NKX1-1: variants seen among roughly 807,000 people sequenced by gnomAD.
NKX1-1 encodes the protein NK1 transcription factor-related protein 1.
NKX1-1 carries 7 observed loss-of-function variants against 1.7 expected under a neutral mutation model. The observed-to-expected ratio is 4.22, with a 90% CI of 2.40 to 7.92. The LOEUF is 7.92. Ranked by LOEUF, NKX1-1 falls within the 30% of genes most tolerant of loss-of-function variation. NKX1-1 has a pLI of 0.00. For synonymous variants in NKX1-1, 242 were observed against 85.3 expected, an observed-to-expected ratio of 2.84 and a Z score of -10.13; for missense variants, 453 against 171.5, an observed-to-expected ratio of 2.64 and a Z score of -9.17.
chr4:1,405,417 C>T lies in NKX1-1; in HGVS notation c.463+563G>A, dbSNP rs73797207. Among the ~76,000 whole-genome samples, 381 of 152,356 alleles carry T rather than the reference C, an allele frequency of 2.5e-3. 4 individuals are homozygous for T. Among genetic ancestry groups the T allele is most frequent in the African/African-American group, 8.7e-3 (363 of 41,586 alleles). On this transcript the variant is annotated intron_variant, in intron 1 of 1. Coordinates refer to ENST00000422806, the MANE Select transcript of NKX1-1 (RefSeq NM_001290079.1). ...GTGCTTGAAAGAGATATGCACGCGCCGTAATGGGATATCGACCCGACCGGG... is the reference window on the plus strand; with the variant it reads ...GTGCTTGAAAGAGATATGCACGCGCTGTAATGGGATATCGACCCGACCGGG...
intron 1 of NKX1-1, among the ~76,000 whole-genome samples, chr4:1,404,329 C>T (rs1055500619): frequency 6.6e-6 from 1 of 152,264 alleles, no homozygotes; most frequent in African/African-American, 2.4e-5. Context: ...ATAACAGGCC[C>T]GGCGGTGGGG....
chr4:1,404,308 C>T (rs1487802885), intron 1 of NKX1-1, among the ~76,000 whole-genome samples: 1 of 152,260 alleles, frequency 6.6e-6, no homozygotes, highest in Non-Finnish European at 1.5e-5. Context: ...CAGCCAATTG[C>T]CGGGCATTTA....
chr4:1,406,350 G>A lies in NKX1-1; in HGVS notation c.93C>T (p.Ala31=), dbSNP rs1235177960. 6 of 372,314 alleles carry A rather than the reference G, an allele frequency of 1.6e-5. No individual in the cohort carries two copies. The highest frequency in any genetic ancestry group is 1.9e-5 in the Non-Finnish European group (4 of 210,528). 23.1% of individuals were successfully genotyped at this position (372,314 alleles called of 1,614,324 possible). The change falls in exon 1 of 2, where the codon GCC becomes GCT. Residue 31 remains alanine (A), a synonymous_variant. Coordinates refer to ENST00000422806, the MANE Select transcript of NKX1-1 (RefSeq NM_001290079.1). ...CGTCCATAGCTTCCTGGGCAGCGGC[G>A]GCGGGAGCGGGCGGTGCGGGCCCCG... ...PGSGPAPPAP[A]AAAQEAMDGR...
Position 1,403,026 on chromosome 4 carries a change from T to C in NKX1-1, c.1253A>G (p.Gln418Arg). Residue 418 changes from glutamine to arginine, a missense_variant, in exon 2 of 2, where the codon CAG (glutamine) becomes CGG (arginine). By Grantham distance (43) the Gln-to-Arg change is conservative (BLOSUM62 1). Coordinates refer to ENST00000422806, the MANE Select transcript of NKX1-1 (RefSeq NM_001290079.1). ...HGPGGLVCAA[Q>R]LPFLSSPAVL... is the part of the protein sequence containing the mutation. ...CGCCGGGCTCGACAGGAACGGCAGC[T>C]GCGCGGCGCACACCAGGCCTCCGGG... The C allele has an allele frequency of 1.6e-6, 1 of 620,126 alleles. No individual in the cohort carries two copies. Among genetic ancestry groups the C allele is most frequent in the Non-Finnish European group, 2.9e-6 (1 of 349,226 alleles). The allele number at this position is 620,126 out of a possible 1,614,324, so 38.4% of individuals were successfully genotyped here. A position where few individuals can be genotyped will look rare whatever the true frequency, so the allele number is the denominator to read the frequency against.
intron 1 of NKX1-1, among the ~76,000 whole-genome samples, chr4:1,405,023 C>T (rs1164810813): frequency 1.3e-5 from 2 of 152,262 alleles, no homozygotes; most frequent in African/African-American, 2.4e-5. Flanking sequence ...CCTTCCGCCC[C>T]ATAGACTCCC....
In NKX1-1 at chr4:1,403,018, A is replaced by G. The variant is rs1720678936; in HGVS notation, c.1261T>C (p.Phe421Leu). ...GAGAGCACCGCCGGGCTCGACAGGA[A>G]CGGCAGCTGCGCGGCGCACACCAGG... ...GGLVCAAQLP[F>L]LSSPAVLSPF... Residue 421 changes from phenylalanine (F) to leucine (L), a missense_variant, in exon 2 of 2, where the codon TTC becomes CTC. Coordinates refer to ENST00000422806, the MANE Select transcript of NKX1-1 (RefSeq NM_001290079.1). 2 of 628,126 alleles carry G rather than the reference A, an allele frequency of 3.2e-6. No homozygotes were observed. Among genetic ancestry groups the G allele is most frequent in the African/African-American group, 3.9e-5 (2 of 51,630 alleles). The allele number at this position is 628,126 out of a possible 1,614,324, so 38.9% of individuals were successfully genotyped here.
chr4:1,405,338 GTAAT>G (rs1480897945), intron 1 of NKX1-1, among the ~76,000 whole-genome samples: 3 of 152,246 alleles, frequency 2.0e-5, no homozygotes, highest in Non-Finnish European at 4.4e-5. Flanking sequence ...TTTTAATCGA[GTAAT>G]TATCCGAATT....
At chr4:1,405,087 C>T (rs2109345024) in intron 1 of NKX1-1, among the ~76,000 whole-genome samples, 2 of 152,364 alleles carry the variant, frequency 1.3e-5, no homozygotes, top group East Asian at 3.9e-4. Context: ...GTCCCCTCCA[C>T]TCAGCCGGAT....
chr4:1,403,866 TC>T, intron 1 of NKX1-1, 51 bp from the exon 2 acceptor site: 1 of 561,304 alleles, frequency 1.8e-6, no homozygotes. Context: ...ACCGGCCGGT[TC>T]CCAGATCCCG....
Position 1,403,251 on chromosome 4 carries a change from C to T in NKX1-1, c.1028G>A (p.Trp343Ter). The change falls in exon 2 of 2, where the codon TGG (tryptophan) becomes TAG (stop). Residue 343 changes from tryptophan to a stop codon, truncating the protein, a stop_gained. Coordinates refer to ENST00000422806, the MANE Select transcript of NKX1-1 (RefSeq NM_001290079.1). LOFTEE classifies it low-confidence loss of function (END_TRUNC). ...LSLTETQVKI[W>*]FQNRRTKWKK... ...CCACTTGGTTCGGCGGTTCTGGAAC[C>T]AGATCTTCACCTGCGTCTCGGTGAG... 1.4e-6 allele frequency: 1 copy of T among 737,518 alleles called. No homozygotes were observed. Among genetic ancestry groups the T allele is most frequent in the Non-Finnish European group, 2.5e-6 (1 of 398,372 alleles). 45.7% of individuals were successfully genotyped at this position (737,518 alleles called of 1,614,324 possible). A position where few individuals can be genotyped will look rare whatever the true frequency, so the allele number is the denominator to read the frequency against.
At position 1,403,832 on chromosome 4, in the gene NKX1-1, C is replaced by A. The variant is rs916574295; in HGVS notation, c.464-17G>T. ...CGCCGGCGTCTGCGGGAGGGAGGGA[C>A]AAGGACAGGGCAGGGCAGTTAGGAC... On this transcript the variant is annotated splice_polypyrimidine_tract_variant and intron_variant, in intron 1 of 1. Transcript: ENST00000422806. 1.5e-6 allele frequency: 1 copy of A among 653,430 alleles called. No homozygotes were observed. Among genetic ancestry groups the A allele is most frequent in the Non-Finnish European group, 2.8e-6 (1 of 362,670 alleles). The allele number at this position is 653,430 out of a possible 1,614,324, so 40.5% of individuals were successfully genotyped here.
intron 1 of NKX1-1, 112 bp downstream of exon 1, chr4:1,405,868 G>T (rs1391745887): frequency 5.0e-6 from 2 of 396,070 alleles, no homozygotes; most frequent in East Asian, 3.8e-5. Flanking sequence ...AACTTTCCAC[G>T]GAGCCTCGGC....
In NKX1-1 at chr4:1,403,472, C is replaced by CGCGCCCCCCGGCGCCGCT; in HGVS notation, c.789_806dup (p.Ala264_Ala269dup). The CGCGCCCCCCGGCGCCGCT allele has an allele frequency of 1.7e-6, 1 of 585,592 alleles. No individual in the cohort carries two copies. The highest frequency in any genetic ancestry group is 3.0e-6 in the Non-Finnish European group (1 of 330,510). The allele number at this position is 585,592 out of a possible 1,614,324, so 36.3% of individuals were successfully genotyped here. On this transcript the variant is annotated inframe_insertion, in exon 2 of 2. Coordinates refer to ENST00000422806, the MANE Select transcript of NKX1-1 (RefSeq NM_001290079.1). ...TCGCCGTGCCCTGCGGGGTGGTCCC[C>CGCGCCCCCCGGCGCCGCT]GCGCCCCCCGGCGCCGCTGCACCTC...
chr4:1,404,352 G>T (rs116634043), intron 1 of NKX1-1, among the ~76,000 whole-genome samples: 3,096 of 152,344 alleles, frequency 0.02, 113 homozygotes, highest in African/African-American at 0.071. Context: ...GGAGCCGGCC[G>T]AGAGAATGGG....
Position 1,403,294 on chromosome 4 carries a change from G to T in NKX1-1, c.985C>A (p.Leu329Met). ...TCGGTGAGGCTGAGCGACAGCGCCA[G>T]GTTGAGGCGCTCGCACACCGACAGG... The part of the protein sequence containing the change: ...RYLSVCERLN[L>M]ALSLSLTETQ... Residue 329 changes from leucine (L) to methionine (M), a missense_variant, in exon 2 of 2, where the codon CTG becomes ATG. Physicochemically the swap from Leu to Met is conservative, Grantham distance 15 (BLOSUM62 2). Coordinates refer to ENST00000422806, the MANE Select transcript of NKX1-1 (RefSeq NM_001290079.1). 1.4e-6 allele frequency: 1 copy of T among 716,134 alleles called. No individual in the cohort carries two copies. The highest frequency in any genetic ancestry group is 2.9e-5 in the East Asian group (1 of 35,080). 44.4% of individuals were successfully genotyped at this position (716,134 alleles called of 1,614,324 possible). A position where few individuals can be genotyped will look rare whatever the true frequency, so the allele number is the denominator to read the frequency against.
rs572631826 is a variant in NKX1-1, at chr4:1,405,674, C to A, written c.463+306G>T. ...CCAGCCACCGCGAGCGGCCCCTCGC[C>A]TCCTGCACCAACTACCCTTCTAGGC... On this transcript the variant is annotated intron_variant, in intron 1 of 1. Coordinates refer to ENST00000422806, the MANE Select transcript of NKX1-1 (RefSeq NM_001290079.1). Among the ~76,000 whole-genome samples, 21 of 152,350 alleles carry A rather than the reference C, an allele frequency of 1.4e-4. No homozygotes were observed. In the East Asian group the frequency reaches 4.1e-3, roughly 29 times the overall value.
Position 1,403,386 on chromosome 4 carries a change from C to T in NKX1-1, c.893G>A (p.Arg298Gln). 1 of 688,438 alleles carries T rather than the reference C, an allele frequency of 1.5e-6. No homozygotes were observed. The allele number at this position is 688,438 out of a possible 1,614,324, so 42.6% of individuals were successfully genotyped here. ...CTCGTAGGTGAAGGCGGTGCGCGCTCGCCGCGGCTTCCCGGACTTGGAGTC... is the reference window on the plus strand; with the variant it reads ...CTCGTAGGTGAAGGCGGTGCGCGCTTGCCGCGGCTTCCCGGACTTGGAGTC... ...GSDSKSGKPR[R>Q]ARTAFTYEQL... Residue 298 changes from arginine (R) to glutamine (Q), a missense_variant, in exon 2 of 2, where the codon CGA becomes CAA. Physicochemically the swap from Arg to Gln is conservative, Grantham distance 43 (BLOSUM62 1). Coordinates refer to ENST00000422806, the MANE Select transcript of NKX1-1 (RefSeq NM_001290079.1).
In NKX1-1 at chr4:1,406,052, G is replaced by A. The variant is rs1435683162; in HGVS notation, c.391C>T (p.Arg131Cys). Residue 131 changes from arginine to cysteine, a missense_variant, in exon 1 of 2, where the codon CGC becomes TGC. Arg to Cys is a radical substitution (Grantham distance 180). Transcript: ENST00000422806. Reference sequence around the variant, plus strand: ...GCGCGGCGCTCCAGCTCCTCCGCGCGTGGCGGGCGTCCCGAGGCGGCGGGT... The same window carrying A: ...GCGCGGCGCTCCAGCTCCTCCGCGCATGGCGGGCGTCCCGAGGCGGCGGGT... ...PAPAASGRPP[R>C]AEELERRALA... The A allele has an allele frequency of 4.5e-5, 22 of 491,742 alleles. No homozygotes were observed. The highest frequency in any genetic ancestry group is 7.4e-5 in the Non-Finnish European group (21 of 284,962). The allele number at this position is 491,742 out of a possible 1,614,324, so 30.5% of individuals were successfully genotyped here.
chr4:1,406,205 T>A lies in NKX1-1; in HGVS notation c.238A>T (p.Thr80Ser). Residue 80 changes from threonine to serine, a missense_variant, in exon 1 of 2, where the codon ACC becomes TCC. Physicochemically the swap from Thr to Ser is moderately conservative, Grantham distance 58. Coordinates refer to ENST00000422806, the MANE Select transcript of NKX1-1 (RefSeq NM_001290079.1). ...AGGATGTCCAGTACCGAGAAGGAGG[T>A]GGGGCGCAGGGGCGCTGCGGGCCGG... is the stretch of plus-strand genomic sequence containing the variant. Reference protein sequence around the residue: ...AARPAAPLRPTSFSVLDILDP... With the variant: ...AARPAAPLRPSSFSVLDILDP... 1.7e-6 allele frequency: 1 copy of A among 578,866 alleles called. No individual in the cohort carries two copies. The highest frequency in any genetic ancestry group is 1.9e-5 in the South Asian group (1 of 53,416). The allele number at this position is 578,866 out of a possible 1,614,324, so 35.9% of individuals were successfully genotyped here.
Sources: allele counts gnomAD v4.1 joint callset (sites outside exome capture counted in the v4.1 genomes callset), GRCh38; gene constraint gnomAD v4.1.1; transcripts MANE v1.5; gene names NCBI Gene and HGNC (gene_info 2026-07-23, HGNC 2026-07-21).